MCU: variants seen among roughly 807,000 people sequenced by gnomAD.
MCU encodes calcium uniporter protein, mitochondrial.
Under a neutral mutation model 45.2 loss-of-function variants are expected in MCU, and 12 were observed. That is an observed-to-expected ratio of 0.27 (90% confidence interval 0.17 to 0.43). The LOEUF is 0.43. Ranked by LOEUF, MCU falls within the 20% of genes least tolerant of loss-of-function variation. The pLI is 1.00. For synonymous variants in MCU, 160 were observed against 165.1 expected, an observed-to-expected ratio of 0.97 and a Z score of 0.24; for missense variants, 324 against 436.7, an observed-to-expected ratio of 0.74 and a Z score of 2.30.
chr10:72,885,779 T>TACA lies in MCU; in HGVS notation c.1015_1017dup (p.Gln339dup). 1 of 1,613,812 alleles carries TACA rather than the reference T, an allele frequency of 6.2e-7. No homozygotes were observed. Among genetic ancestry groups the TACA allele is most frequent in the Non-Finnish European group, 8.5e-7 (1 of 1,179,778 alleles). On this transcript the variant is annotated inframe_insertion, in exon 8 of 8. Transcript: ENST00000373053. ...GACCTTAAGAGACTGAGAGACCCAT[T>TACA]ACAAGTACATCTGCCTCTCCGACAA...
At chr10:72,699,307 C>T (rs1842726850) in intron 1 of MCU, among the ~76,000 whole-genome samples, 1 of 152,024 alleles carries the variant, frequency 6.6e-6, no homozygotes, top group Admixed American at 6.6e-5. Flanking sequence ...GAGTTCGAGA[C>T]CAGCCTGACT....
intron 1 of MCU, chr10:72,766,866 C>T (rs1843734844): frequency 6.6e-6 from 1 of 152,148 alleles, no homozygotes; most frequent in Non-Finnish European, 1.5e-5. Context: ...AAAAATAATA[C>T]TCAGAAGAGA....
chr10:72,883,936 A>G (rs1462874966), intron 6 of MCU, among the ~76,000 whole-genome samples: 1 of 152,190 alleles, frequency 6.6e-6, no homozygotes, highest in Non-Finnish European at 1.5e-5. Flanking sequence ...AATTACCATA[A>G]AAGTCAAGAG....
intron 1 of MCU, among the ~76,000 whole-genome samples, chr10:72,723,852 C>T (rs1306391648): frequency 2.6e-5 from 4 of 152,102 alleles, no homozygotes; most frequent in Admixed American, 2.0e-4. Flanking sequence ...AATAGGTTAC[C>T]GCCCTCACCA....
chr10:72,707,988 TA>T (rs1430457765), intron 1 of MCU, among the ~76,000 whole-genome samples: 2 of 152,176 alleles, frequency 1.3e-5, no homozygotes, highest in Non-Finnish European at 2.9e-5. Flanking sequence ...AAAAAACTTT[TA>T]AAATTATAAA....
chr10:72,796,368 C>T (rs1844245954), intron 1 of MCU, among the ~76,000 whole-genome samples: 1 of 152,086 alleles, frequency 6.6e-6, no homozygotes, highest in Non-Finnish European at 1.5e-5. Context: ...CTGCAGTGAG[C>T]TATGATTGTA....
intron 4 of MCU, among the ~76,000 whole-genome samples, chr10:72,862,460 C>A (rs902916382): frequency 6.6e-6 from 1 of 152,024 alleles, no homozygotes; most frequent in Admixed American, 6.6e-5. Flanking sequence ...ACAGTGGGGG[C>A]GGGGGCAGAG....
At chr10:72,775,492 C>T (rs908837019) in intron 1 of MCU, among the ~76,000 whole-genome samples, 1 of 151,626 alleles carries the variant, frequency 6.6e-6, no homozygotes, top group African/African-American at 2.4e-5. Flanking sequence ...AATGGAAGAC[C>T]AAACCAAACC....
intron 1 of MCU, among the ~76,000 whole-genome samples, chr10:72,779,323 A>G (rs968102755): frequency 2.6e-5 from 4 of 152,202 alleles, no homozygotes; most frequent in African/African-American, 9.6e-5. Context: ...GAGTTACGAC[A>G]ATAAAACTCT....
chr10:72,788,376 A>T (rs1589460235), intron 1 of MCU, among the ~76,000 whole-genome samples: 1 of 152,292 alleles, frequency 6.6e-6, no homozygotes, highest in Admixed American at 6.5e-5. Flanking sequence ...TGTAATCCCA[A>T]CACTTTGGGA....
At chr10:72,801,115 A>C (rs1844332990) in intron 1 of MCU, among the ~76,000 whole-genome samples, 2 of 152,164 alleles carry the variant, frequency 1.3e-5, no homozygotes, top group African/African-American at 4.8e-5. Context: ...AGTTTCACTG[A>C]AGTGAGAAAC....
chr10:72,829,271 C>T (rs1844843115), intron 1 of MCU, among the ~76,000 whole-genome samples: 1 of 144,578 alleles, frequency 6.9e-6, no homozygotes, highest in South Asian at 2.2e-4. Context: ...TGCAGTGAGC[C>T]AAGATTGTGC....
intron 1 of MCU, among the ~76,000 whole-genome samples, chr10:72,820,946 C>T (rs1037219926): frequency 6.6e-6 from 1 of 151,616 alleles, no homozygotes; most frequent in African/African-American, 2.4e-5. Context: ...TGACATGGTA[C>T]TAGACTCCAG....
intron 1 of MCU, among the ~76,000 whole-genome samples, chr10:72,725,984 C>T (rs1281895775): frequency 1.3e-5 from 2 of 152,156 alleles, no homozygotes; most frequent in Non-Finnish European, 2.9e-5. Flanking sequence ...CTCTCTCCTT[C>T]CCATTTTGCT....
intron 6 of MCU, among the ~76,000 whole-genome samples, chr10:72,874,700 G>A (rs1160358909): frequency 6.6e-6 from 1 of 152,186 alleles, no homozygotes; most frequent in Non-Finnish European, 1.5e-5. Context: ...TGAACGAACT[G>A]AACAGTCACA....
chr10:72,697,413 A>G (rs1168708211), intron 1 of MCU, among the ~76,000 whole-genome samples: 1 of 140,208 alleles, frequency 7.1e-6, no homozygotes, highest in Non-Finnish European at 1.5e-5. Context: ...CACTGCACCC[A>G]GGCCAGACTT....
intron 4 of MCU, among the ~76,000 whole-genome samples, chr10:72,867,439 G>A (rs1469620952): frequency 2.0e-5 from 3 of 152,040 alleles, no homozygotes; most frequent in East Asian, 1.9e-4. Context: ...CCTTTCAGTC[G>A]TTCTCATAAC....
chr10:72,763,885 G>A (rs962327256), intron 1 of MCU, among the ~76,000 whole-genome samples: 4 of 152,100 alleles, frequency 2.6e-5, no homozygotes, highest in African/African-American at 7.2e-5. Flanking sequence ...TATGAGAGGT[G>A]TAAGGTAATA....
rs749176056 is a variant in MCU, at chr10:72,860,464, C to CT, written c.434dup (p.Leu146ProfsTer2). The CT allele has an allele frequency of 1.2e-6, 2 of 1,614,078 alleles. No individual in the cohort carries two copies. Among genetic ancestry groups the CT allele is most frequent in the Non-Finnish European group, 8.5e-7 (1 of 1,179,992 alleles). On this transcript the variant is annotated frameshift_variant, in exon 4 of 8. Transcript: ENST00000373053. ...TGCTTCAACAGGAATAGACCTCCTCCTCCTTGATGACTTTAAGCTGGTCAT... is the reference window on the plus strand; with the variant it reads ...TGCTTCAACAGGAATAGACCTCCTCCTTCCTTGATGACTTTAAGCTGGTCAT...
Sources: gnomAD v4.1 joint callset for allele counts (sites outside exome capture counted in the v4.1 genomes callset) on GRCh38, gnomAD v4.1.1 for gene constraint, MANE v1.5 for transcripts, NCBI Gene and HGNC (gene_info 2026-07-23, HGNC 2026-07-21) for gene names.